ADCY9: variants seen among roughly 807,000 people sequenced by gnomAD.
ADCY9 encodes adenylate cyclase type 9.
A neutral mutation model predicts 101.5 loss-of-function variants in ADCY9; 50 were observed. The observed-to-expected ratio is 0.49, with a 90% CI of 0.39 to 0.62. The LOEUF (loss-of-function observed/expected upper bound fraction) is 0.62, where lower values mean the gene tolerates loss of function less well. Among genes scored for constraint, ADCY9 ranks in the 20% least tolerant of loss-of-function variants. The pLI is 0.00. For synonymous variants in ADCY9, 905 were observed against 769.3 expected, an observed-to-expected ratio of 1.18 and a Z score of -2.92; for missense variants, 1,662 against 1,800.4, an observed-to-expected ratio of 0.92 and a Z score of 1.39.
intron 2 of ADCY9, among the ~76,000 whole-genome samples, chr16:4,057,044 C>A (rs1419963304): frequency 4.2e-5 from 6 of 141,226 alleles, no homozygotes; most frequent in Admixed American, 7.1e-5. Context: ...AACCGCCCCC[C>A]CCCCCCCCGC....
chr16:3,960,033 AT>A (rs1212989464), downstream of ADCY9, among the ~76,000 whole-genome samples: 2 of 151,604 alleles, frequency 1.3e-5, no homozygotes, highest in Middle Eastern at 3.2e-3. Flanking sequence ...CTCAAAAAAA[AT>A]AAATAAATAA....
In ADCY9 at chr16:3,992,403, G is replaced by C. The variant is rs764915091; in HGVS notation, c.1990-40C>G. On this transcript the variant is annotated intron_variant, in intron 4 of 10. Coordinates refer to ENST00000294016, the MANE Select transcript of ADCY9 (RefSeq NM_001116.4). This position sits in a 1 kb window ranked among gnomAD's most constrained non-coding sequence, Gnocchi z 4.2. ...AGAGGACGCAGACACGGGAAGTGAAGTGGCACCGGGCACTGGGCACACACG... is the reference window on the plus strand; with the variant it reads ...AGAGGACGCAGACACGGGAAGTGAACTGGCACCGGGCACTGGGCACACACG... 1 of 1,586,048 alleles carries C rather than the reference G, an allele frequency of 6.3e-7. No individual in the cohort carries two copies. The highest frequency in any genetic ancestry group is 1.3e-5 in the African/African-American group (1 of 74,330).
At position 4,115,412 on chromosome 16, in the gene ADCY9, G is replaced by C. The variant is rs1379627490; in HGVS notation, c.31C>G (p.His11Asp). 1 of 1,574,026 alleles carries C rather than the reference G, an allele frequency of 6.4e-7. No individual in the cohort carries two copies. The highest frequency in any genetic ancestry group is 8.6e-7 in the Non-Finnish European group (1 of 1,160,182). ...CAGCTCACCTCGGTGCTGTGGTGAT[G>C]CAGCAGCTGCTGGTGGGGTGGGGAA... MASPPHQQLL[H>D]HHSTEVSCDS... The change falls in exon 2 of 11, where the codon CAT becomes GAT. Residue 11 changes from histidine to aspartate, a missense_variant. Physicochemically the swap from His to Asp is moderately conservative, Grantham distance 81. This residue lies in a region of ADCY9 where 422 missense variants were observed against 392.0 expected (regional missense o/e 1.08). Transcript: ENST00000294016. The surrounding 1 kb of genome is among the most constrained non-coding windows in gnomAD (Gnocchi z 6.2).
rs1318490674 is a variant in ADCY9 at position 4,113,748 on chromosome 16, A to G, written c.1693+2T>C. ...GATGCCGAGGTAAAGCAGTGCACAT[A>G]CCTTTCAACTGGTCAGCAACCACGC... On this transcript the variant is annotated splice_donor_variant, in intron 2 of 10. Transcript: ENST00000294016. LOFTEE classifies it high-confidence loss of function. 1 of 1,610,334 alleles carries G rather than the reference A, an allele frequency of 6.2e-7. No homozygotes were observed. Among genetic ancestry groups the G allele is most frequent in the Non-Finnish European group, 8.5e-7 (1 of 1,177,354 alleles).
chr16:4,051,522 TAAA>T (rs537295838), intron 2 of ADCY9, among the ~76,000 whole-genome samples: 9 of 122,254 alleles, frequency 7.4e-5, no homozygotes, highest in Admixed American at 1.7e-4. Flanking sequence ...AGACTCCATC[TAAA>T]AAAAAAAAAA....
chr16:4,084,697 G>A (rs1033496328), intron 2 of ADCY9, among the ~76,000 whole-genome samples: 2 of 152,016 alleles, frequency 1.3e-5, no homozygotes, highest in African/African-American at 4.8e-5. Context: ...CTGCACTCCA[G>A]CCTGGATGAC....
intron 2 of ADCY9, among the ~76,000 whole-genome samples, chr16:4,105,530 A>T (rs75388342): frequency 6.6e-6 from 1 of 150,818 alleles, no homozygotes; most frequent in Non-Finnish European, 1.5e-5. Flanking sequence ...AAAAAAAAAA[A>T]TTGGCCGGGC....
chr16:4,085,642 C>G (rs1475186688), intron 2 of ADCY9, among the ~76,000 whole-genome samples: 1 of 152,034 alleles, frequency 6.6e-6, no homozygotes, highest in Non-Finnish European at 1.5e-5. Context: ...AGGACCTCGT[C>G]GAAGAGGGAG....
Position 4,115,251 on chromosome 16 carries a change from G to T in ADCY9, c.192C>A (p.Pro64=). ...GCCGGCCTCCGCCGCCCACTCGCCG[G>T]GGGACGCCCCCGGAGTCCCCAGAGC... ...CSSSGDSGGV[P]RRVGGGGRLR... is the part of the protein sequence containing the mutation. Residue 64 remains proline (P), a synonymous_variant, in exon 2 of 11, where the codon CCC becomes CCA. Coordinates refer to ENST00000294016, the MANE Select transcript of ADCY9 (RefSeq NM_001116.4). This position sits in a 1 kb window ranked among gnomAD's most constrained non-coding sequence, Gnocchi z 6.2. 6.2e-7 allele frequency: 1 copy of T among 1,613,402 alleles called. No individual in the cohort carries two copies. Among genetic ancestry groups the T allele is most frequent in the Non-Finnish European group, 8.5e-7 (1 of 1,179,638 alleles).
intron 2 of ADCY9, among the ~76,000 whole-genome samples, chr16:4,099,249 A>G (rs1157643594): frequency 6.6e-6 from 1 of 152,008 alleles, no homozygotes; most frequent in African/African-American, 2.4e-5. Flanking sequence ...TTGTTTTTTT[A>G]TCACGATTTA....
chr16:4,085,585 G>A (rs924236015), intron 2 of ADCY9, among the ~76,000 whole-genome samples: 1 of 152,142 alleles, frequency 6.6e-6, no homozygotes, highest in Non-Finnish European at 1.5e-5. Context: ...CAAAGGAGGG[G>A]AACTCCATGT....
At chr16:4,074,159 AAT>A (rs1475129019) in intron 2 of ADCY9, among the ~76,000 whole-genome samples, 2 of 152,038 alleles carry the variant, frequency 1.3e-5, no homozygotes, top group African/African-American at 4.8e-5. Context: ...TGAGGTTTAT[AAT>A]ATATATAAAA....
intron 2 of ADCY9, among the ~76,000 whole-genome samples, chr16:4,091,379 T>C (rs1209388691): frequency 6.6e-6 from 1 of 152,136 alleles, no homozygotes; most frequent in Non-Finnish European, 1.5e-5. Context: ...CAGCCCAAGT[T>C]CCTCATTTTA....
chr16:4,033,607 G>T (rs549499004), intron 2 of ADCY9, among the ~76,000 whole-genome samples: 1 of 151,960 alleles, frequency 6.6e-6, no homozygotes, highest in Non-Finnish European at 1.5e-5. Context: ...AGTAGAGATA[G>T]GGTTTCACCA....
chr16:4,056,807 G>C (rs1232432490), intron 2 of ADCY9, among the ~76,000 whole-genome samples: 1 of 152,200 alleles, frequency 6.6e-6, no homozygotes, highest in East Asian at 1.9e-4. Context: ...GAGGTGCAGA[G>C]GTTTACCTGT....
intron 2 of ADCY9, among the ~76,000 whole-genome samples, chr16:4,036,258 C>A (rs1045363471): frequency 2.6e-5 from 4 of 151,740 alleles, no homozygotes; most frequent in Non-Finnish European, 5.9e-5. Context: ...TTTCAGAACT[C>A]ACACACACAC....
intron 3 of ADCY9, among the ~76,000 whole-genome samples, chr16:3,996,277 G>A (rs961650150): frequency 6.6e-6 from 1 of 152,194 alleles, no homozygotes; most frequent in Admixed American, 6.5e-5. Flanking sequence ...CAGGAGGATT[G>A]CTTCAGCGAA....
At chr16:3,988,288 T>C (rs932763227) in intron 6 of ADCY9, among the ~76,000 whole-genome samples, 4 of 151,532 alleles carry the variant, frequency 2.6e-5, no homozygotes, top group Admixed American at 2.6e-4. Context: ...AGAGGGAACA[T>C]GGAGCCGGAG....
chr16:4,115,937 G>A lies in ADCY9; in HGVS notation c.-291C>T. ...GAGCCCTCCATCCTGCAGGAGCCGC[G>A]CTCCGATGCGTCAAAGGCGGCGCGC... On this transcript the variant is annotated 5_prime_UTR_variant, in exon 1 of 11. Coordinates refer to ENST00000294016, the MANE Select transcript of ADCY9 (RefSeq NM_001116.4). This position sits in a 1 kb window ranked among gnomAD's most constrained non-coding sequence, Gnocchi z 6.2. The A allele has an allele frequency of 2.6e-6, 1 of 379,104 alleles. No individual in the cohort carries two copies. Among genetic ancestry groups the A allele is most frequent in the Non-Finnish European group, 4.6e-6 (1 of 215,136 alleles). The allele number at this position is 379,104 out of a possible 1,614,324, so 23.5% of individuals were successfully genotyped here. A position where few individuals can be genotyped will look rare whatever the true frequency, so the allele number is the denominator to read the frequency against.
Sources: allele counts gnomAD v4.1 joint callset (sites outside exome capture counted in the v4.1 genomes callset), GRCh38; gene constraint gnomAD v4.1.1; regional missense constraint gnomAD v4.1.1; non-coding constraint Gnocchi (gnomAD v3.1); transcripts MANE v1.5; gene names NCBI Gene and HGNC (gene_info 2026-07-23, HGNC 2026-07-21).